The following MCTP2 variants were observed in gnomAD, a reference collection of about 807,000 sequenced individuals.
The protein encoded by MCTP2 is multiple C2 and transmembrane domain-containing protein 2.
Under a neutral mutation model 111.6 loss-of-function variants are expected in MCTP2, and 132 were observed. The ratio of observed to expected loss-of-function variants is 1.18; its 90% confidence interval spans 1.03 to 1.37. The LOEUF is 1.37. MCTP2 is among the 40% of genes most tolerant of loss of function. MCTP2 has a pLI of 0.00. For synonymous variants in MCTP2, 395 were observed against 387.7 expected (o/e 1.02, Z -0.22); for missense variants, 1,183 against 1,067.9 (o/e 1.11, Z -1.50).
chr15:94,238,104 C>T (rs554764221), intron 1 of MCTP2, among the ~76,000 whole-genome samples: 2 of 152,262 alleles, frequency 1.3e-5, no homozygotes, highest in African/African-American at 2.4e-5. Context: ...CACATGTTCT[C>T]AGGACCTCCT....
chr15:94,276,843 CAA>C (rs10538124), intron 1 of MCTP2, among the ~76,000 whole-genome samples: 88,058 of 130,080 alleles, frequency 0.68, 27,935 homozygotes, highest in South Asian at 0.72. Context: ...TAAACTAACC[CAA>C]AAAAAAAAAA....
intron 1 of MCTP2, among the ~76,000 whole-genome samples, chr15:94,244,336 A>G (rs1263545535): frequency 6.7e-6 from 1 of 148,930 alleles, no homozygotes; most frequent in African/African-American, 2.5e-5. Flanking sequence ...ATGTATATAT[A>G]CACGTATACG....
chr15:94,460,643 G>A (rs1201838850), intron 20 of MCTP2, among the ~76,000 whole-genome samples: 3 of 152,210 alleles, frequency 2.0e-5, no homozygotes, highest in African/African-American at 7.2e-5. Context: ...AAAAGGAAAT[G>A]TGTCTGAGGA....
intron 4 of MCTP2, among the ~76,000 whole-genome samples, chr15:94,328,277 C>A (rs1056066817): frequency 6.6e-6 from 1 of 151,674 alleles, no homozygotes; most frequent in South Asian, 2.1e-4. Context: ...TACAGGTGCC[C>A]GCCACCACGC....
chr15:94,337,684 T>TGC lies in MCTP2; in HGVS notation c.638-1599_638-1598dup, dbSNP rs1055396816. 8.4e-3 allele frequency among the ~76,000 whole-genome samples: 1,274 copies of TGC among 151,900 alleles called. 16 individuals are homozygous for TGC. The highest frequency in any genetic ancestry group is 0.028 in the African/African-American group (1,156 of 41,482). On this transcript the variant is annotated intron_variant, in intron 4 of 22. Coordinates refer to ENST00000357742, the MANE Select transcript of MCTP2 (RefSeq NM_001385001.1). ...CGAACACGGTGTGTGTGTGTGTGTG[T>TGC]GCGCGCGCATGCACGCGCGTGTGCA...
chr15:94,340,047 G>C, intron 5 of MCTP2, 152 bp from the exon 6 acceptor site: 1 of 612,672 alleles, frequency 1.6e-6, no homozygotes, highest in Non-Finnish European at 2.8e-6. Context: ...GCATTGGCTT[G>C]ACTAAATTTC....
At chr15:94,294,239 G>A (rs1044270949) in intron 1 of MCTP2, among the ~76,000 whole-genome samples, 1 of 152,142 alleles carries the variant, frequency 6.6e-6, no homozygotes, top group Admixed American at 6.5e-5. Context: ...GATCCTTTGG[G>A]GATAGACAGA....
At chr15:94,257,875 G>A (rs1194114625) in intron 1 of MCTP2, among the ~76,000 whole-genome samples, 2 of 150,532 alleles carry the variant, frequency 1.3e-5, no homozygotes, top group South Asian at 4.2e-4. Flanking sequence ...GTGAGCCACC[G>A]TGCCTGGCCC....
chr15:94,401,891 T>TA lies in MCTP2; in HGVS notation c.1966-5dup, dbSNP rs2081611758. The TA allele has an allele frequency of 6.3e-7, 1 of 1,598,370 alleles. No homozygotes were observed. The highest frequency in any genetic ancestry group is 8.5e-7 in the Non-Finnish European group (1 of 1,172,672). ...ATCTAGTTTCCTGTTTGTCATTTTT[T>TA]AAAATCAGATCTTATCAAGAGATGT... is the stretch of plus-strand genomic sequence containing the variant. On this transcript the variant is annotated splice_polypyrimidine_tract_variant and intron_variant, in intron 16 of 22. Transcript: ENST00000357742.
chr15:94,406,199 A>G (rs2081888170), intron 17 of MCTP2, among the ~76,000 whole-genome samples: 1 of 152,228 alleles, frequency 6.6e-6, no homozygotes, highest in Non-Finnish European at 1.5e-5. Context: ...TTATAAATTT[A>G]GTTCTCACAA....
At chr15:94,478,573 C>T (rs2074554480) in intron 22 of MCTP2, among the ~76,000 whole-genome samples, 1 of 152,066 alleles carries the variant, frequency 6.6e-6, no homozygotes. Flanking sequence ...GATGTTTTCC[C>T]CAAGATTTTA....
intron 19 of MCTP2, among the ~76,000 whole-genome samples, chr15:94,447,249 G>T (rs980058092): frequency 1.3e-5 from 2 of 152,152 alleles, no homozygotes; most frequent in Admixed American, 1.3e-4. Context: ...CTCATTCCCT[G>T]TGTTTCCTTG....
intron 19 of MCTP2, among the ~76,000 whole-genome samples, chr15:94,450,649 G>A (rs752614880): frequency 6.6e-6 from 1 of 152,174 alleles, no homozygotes; most frequent in Non-Finnish European, 1.5e-5. Flanking sequence ...AAGTCTAAAG[G>A]TATATTTTTG....
At chr15:94,258,119 G>A (rs2072951612) in intron 1 of MCTP2, among the ~76,000 whole-genome samples, 1 of 146,286 alleles carries the variant, frequency 6.8e-6, no homozygotes, top group Admixed American at 7.1e-5. Flanking sequence ...CAAGTAACCT[G>A]CCTGTCTCGT....
chr15:94,477,931 C>T (rs2074500921), intron 22 of MCTP2, among the ~76,000 whole-genome samples: 1 of 152,120 alleles, frequency 6.6e-6, no homozygotes, highest in African/African-American at 2.4e-5. Flanking sequence ...TCCTCTGCTC[C>T]CTTAGGGCAC....
intron 2 of MCTP2, among the ~76,000 whole-genome samples, chr15:94,301,683 T>C (rs539859840): frequency 3.3e-5 from 5 of 152,374 alleles, no homozygotes; most frequent in South Asian, 4.1e-4. Flanking sequence ...GTGAGTTTTC[T>C]TTAGTTTATG....
At chr15:94,360,188 T>A (rs1461236514) in intron 10 of MCTP2, among the ~76,000 whole-genome samples, 1 of 152,238 alleles carries the variant, frequency 6.6e-6, no homozygotes, top group Non-Finnish European at 1.5e-5. Context: ...TTGCACCATC[T>A]GCACATCCCC....
intron 1 of MCTP2, among the ~76,000 whole-genome samples, chr15:94,247,053 A>C (rs1290503150): frequency 6.6e-6 from 1 of 152,214 alleles, no homozygotes; most frequent in African/African-American, 2.4e-5. Flanking sequence ...TCATTAAATC[A>C]TGCTTCACAT....
At chr15:94,443,644 A>G (rs996080069) in intron 19 of MCTP2, among the ~76,000 whole-genome samples, 2 of 152,152 alleles carry the variant, frequency 1.3e-5, no homozygotes, top group Admixed American at 6.5e-5. Context: ...TCCAGTGTAA[A>G]TGCCCATTGA....
Sources: gnomAD v4.1 joint callset for allele counts (sites outside exome capture counted in the v4.1 genomes callset) on GRCh38, gnomAD v4.1.1 for gene constraint, MANE v1.5 for transcripts, NCBI Gene and HGNC (gene_info 2026-07-23, HGNC 2026-07-21) for gene names.